HOXC4: variants seen among roughly 807,000 people sequenced by gnomAD.
The protein encoded by HOXC4 is homeobox protein Hox-C4.
In HOXC4, 15 loss-of-function variants were observed where a neutral mutation model predicts 25.5. That is an observed-to-expected ratio of 0.59 (90% confidence interval 0.39 to 0.91). HOXC4 has a LOEUF of 0.91. HOXC4 is among the 40% of genes least tolerant of loss of function. The pLI is 0.00. For synonymous variants in HOXC4, 165 were observed against 148.0 expected, an observed-to-expected ratio of 1.11 and a Z score of -0.83; for missense variants, 342 against 352.4, an observed-to-expected ratio of 0.97 and a Z score of 0.24.
intron 1 of HOXC4, chr12:54,034,105 G>A: frequency 2.7e-6 from 2 of 728,678 alleles, no homozygotes; most frequent in Non-Finnish European, 5.1e-6. Context: ...CTGGGCGGAG[G>A]CGCCTCTCCC....
chr12:54,043,380 T>C (rs553954542), intron 1 of HOXC4, among the ~76,000 whole-genome samples: 58 of 152,316 alleles, frequency 3.8e-4, no homozygotes, highest in African/African-American at 1.4e-3. Context: ...GGTTCTGCCC[T>C]CTAAAGATTC....
At chr12:54,041,311 G>A (rs1941268036) in intron 1 of HOXC4, among the ~76,000 whole-genome samples, 1 of 152,246 alleles carries the variant, frequency 6.6e-6, no homozygotes, top group Non-Finnish European at 1.5e-5. Flanking sequence ...TCCAGACCCA[G>A]GTATTCTCCC....
At chr12:54,051,914 G>A (rs1055876887), upstream of HOXC4, among the ~76,000 whole-genome samples, 1 of 152,210 alleles carries the variant, frequency 6.6e-6, no homozygotes. Context: ...AAGGTGATGA[G>A]AAAAGGATTG....
chr12:54,028,352 T>TC (rs60224235), intron 1 of HOXC4: 13 of 633,060 alleles, frequency 2.1e-5, no homozygotes, highest in South Asian at 1.2e-4. Flanking sequence ...GCGATTTTTT[T>TC]CCCCCTTCCT....
rs377491433 is a variant in HOXC4 at position 54,053,955 on chromosome 12, C to T, written c.33C>T (p.Asn11=). The change falls in exon 1 of 2, where the codon AAC becomes AAT. Residue 11 remains asparagine, a synonymous_variant. Transcript: ENST00000430889. MIMSSYLMDS[N]YIDPKFPPCE... is the part of the protein sequence containing the mutation. ...TGAGCTCGTATTTGATGGACTCTAA[C>T]TACATCGATCCGAAATTTCCTCCAT... is the stretch of plus-strand genomic sequence containing the variant. 3 of 1,613,786 alleles carry T rather than the reference C, an allele frequency of 1.9e-6. No homozygotes were observed. In the African/African-American group the frequency reaches 4.0e-5, roughly 22 times the overall value.
rs189353340 is a variant in HOXC4, at chr12:54,040,853, G to C, written c.-123-12307G>C. Among the ~76,000 whole-genome samples the C allele has an allele frequency of 6.6e-5, 10 of 152,286 alleles. No individual in the cohort carries two copies. In the East Asian group the frequency reaches 1.7e-3, roughly 26 times the overall value. On this transcript the variant is annotated intron_variant, in intron 1 of 3. Transcript: ENST00000303406. ...CCATTAGCTTTATCAGACTGCCTCAGGCATGGTTAGGGAAGGGAGCAAAAG... is the reference window on the plus strand; with the variant it reads ...CCATTAGCTTTATCAGACTGCCTCACGCATGGTTAGGGAAGGGAGCAAAAG...
At position 54,054,950 on chromosome 12, in the gene HOXC4, C is replaced by T; in HGVS notation, c.540C>T (p.Tyr180=). The T allele has an allele frequency of 6.2e-7, 1 of 1,614,096 alleles. No individual in the cohort carries two copies. The highest frequency in any genetic ancestry group is 8.5e-7 in the Non-Finnish European group (1 of 1,180,024). Residue 180 remains tyrosine (Y), a synonymous_variant, in exon 2 of 2, where the codon TAC becomes TAT. Transcript: ENST00000430889. The stretch of plus-strand genomic sequence containing the variant: ...AGAAAGAGTTTCATTACAACCGCTA[C>T]CTGACCCGAAGGAGAAGGATCGAGA... ...ELEKEFHYNR[Y]LTRRRRIEIA...
chr12:54,034,607 C>A (rs1941132304), intron 1 of HOXC4: 2 of 823,734 alleles, frequency 2.4e-6, no homozygotes, highest in Admixed American at 2.6e-5. Flanking sequence ...GAGCACTGGG[C>A]TCCCGGGCCC....
rs971769230 is a variant in HOXC4 at position 54,028,258 on chromosome 12, TATATATA to T, written c.-124+10845_-124+10851del. 39 of 167,012 alleles carry T rather than the reference TATATATA, an allele frequency of 2.3e-4. 1 individual carries two copies. The highest frequency in any genetic ancestry group is 9.1e-4 in the African/African-American group (34 of 37,304). The allele number at this position is 167,012 out of a possible 1,614,324, so 10.3% of individuals were successfully genotyped here. On this transcript the variant is annotated intron_variant, in intron 1 of 3. Transcript: ENST00000303406. ...ACCAGTTCCCTTACATATATATATA[TATATATA>T]TATTTTTTAAAAGAAATCCAAGTCT...
intron 1 of HOXC4, chr12:54,029,833 G>A (rs775505948): frequency 6.2e-7 from 1 of 1,614,048 alleles, no homozygotes; most frequent in Non-Finnish European, 8.5e-7. Context: ...AGAACCGCCG[G>A]ATGAAGTGGA....
Position 54,033,085 on chromosome 12 carries a change from C to CA in HOXC4, c.-124+15676dup, listed in dbSNP as rs1303595734. ...CAAAGAGTCACAAATCACCCTTAATCAAAAAGGGTGCAGAAATTTTTTTGG... is the reference window on the plus strand; with the variant it reads ...CAAAGAGTCACAAATCACCCTTAATCAAAAAAGGGTGCAGAAATTTTTTTGG... On this transcript the variant is annotated intron_variant, in intron 1 of 3. Transcript: ENST00000303406. 5.2e-6 allele frequency: 8 copies of CA among 1,548,238 alleles called. No homozygotes were observed. In the African/African-American group the frequency reaches 1.1e-4, roughly 21 times the overall value.
intron 1 of HOXC4, among the ~76,000 whole-genome samples, chr12:54,027,235 G>A (rs1414084035): frequency 3.3e-5 from 5 of 152,164 alleles, no homozygotes; most frequent in Admixed American, 2.0e-4. Flanking sequence ...TTGCTGAGAG[G>A]CCCATCCCCA....
upstream of HOXC4, among the ~76,000 whole-genome samples, chr12:54,050,342 G>A (rs1158163775): frequency 1.3e-5 from 2 of 152,208 alleles, no homozygotes; most frequent in Non-Finnish European, 2.9e-5. Flanking sequence ...AGGAGATGGG[G>A]TGGAGGGGCA....
chr12:54,042,300 A>G (rs1470332356), intron 1 of HOXC4, among the ~76,000 whole-genome samples: 1 of 152,184 alleles, frequency 6.6e-6, no homozygotes, highest in East Asian at 1.9e-4. Flanking sequence ...TTTATGAGTT[A>G]GAATTAAAGG....
intron 1 of HOXC4, among the ~76,000 whole-genome samples, chr12:54,044,897 T>C (rs1937665215): frequency 6.6e-6 from 1 of 152,150 alleles, no homozygotes; most frequent in African/African-American, 2.4e-5. Flanking sequence ...GCTACAGAGC[T>C]GAAGGAAAAC....
rs984485415 is a variant in HOXC4, at chr12:54,028,263, ATATATTTT to A, written c.-124+10851_-124+10858del. The A allele has an allele frequency of 1.2e-3, 85 of 73,376 alleles. 1 individual carries two copies. In the East Asian group the frequency reaches 0.029, roughly 25 times the overall value. 4.5% of individuals were successfully genotyped at this position (73,376 alleles called of 1,614,324 possible). A position where few individuals can be genotyped will look rare whatever the true frequency, so the allele number is the denominator to read the frequency against. On this transcript the variant is annotated intron_variant, in intron 1 of 3. Coordinates refer to the HOXC4 transcript ENST00000303406. ...TTCCCTTACATATATATATATATAT[ATATATTTT>A]TTAAAAGAAATCCAAGTCTTACTTT...
At position 54,033,101 on chromosome 12, in the gene HOXC4, AT is replaced by A. The variant is rs553289615; in HGVS notation, c.-124+15694del. 3.3e-3 allele frequency: 5,281 copies of A among 1,588,846 alleles called. 268 individuals are homozygous for A. The Admixed American group carries it at 0.087, about 26-fold the overall frequency. On this transcript the variant is annotated intron_variant, in intron 1 of 3. Transcript: ENST00000303406. ...ACCCTTAATCAAAAAGGGTGCAGAA[AT>A]TTTTTTGGGCCCTCCCCGCCATGAG...
chr12:54,033,380 G>T (rs1050326258), intron 1 of HOXC4: 2 of 1,613,022 alleles, frequency 1.2e-6, no homozygotes, highest in Non-Finnish European at 1.7e-6. Context: ...GACACGCTCC[G>T]GGCAGAGACG....
intron 1 of HOXC4, among the ~76,000 whole-genome samples, chr12:54,022,797 C>T (rs1940508961): frequency 6.6e-6 from 1 of 152,090 alleles, no homozygotes; most frequent in Non-Finnish European, 1.5e-5. Flanking sequence ...ACTGTGATGT[C>T]ATAATACCGA....
Sources: allele counts gnomAD v4.1 joint callset (sites outside exome capture counted in the v4.1 genomes callset), GRCh38; gene constraint gnomAD v4.1.1; transcripts MANE v1.5; gene names NCBI Gene and HGNC (gene_info 2026-07-23, HGNC 2026-07-21).